Variants in RAI14 observed in about 807,000 individuals in gnomAD.
RAI14 encodes ankycorbin.
A neutral mutation model predicts 115.4 loss-of-function variants in RAI14; 45 were observed. That is an observed-to-expected ratio of 0.39 (90% CI 0.31 to 0.50). The LOEUF (loss-of-function observed/expected upper bound fraction) is 0.50. Among genes scored for constraint, RAI14 ranks in the 20% least tolerant of loss-of-function variants. RAI14 has a pLI of 0.85. For synonymous variants in RAI14, 371 were observed against 415.4 expected (o/e 0.89, Z 1.30); for missense variants, 939 against 1,131.2 (o/e 0.83, Z 2.44).
At chr5:34,750,934 C>T (rs1394483857) in intron 2 of RAI14, among the ~76,000 whole-genome samples, 1 of 146,224 alleles carries the variant, frequency 6.8e-6, no homozygotes, top group African/African-American at 2.5e-5. Flanking sequence ...CTCACCACAA[C>T]CTTTGCCTCC....
intron 1 of RAI14, among the ~76,000 whole-genome samples, chr5:34,676,662 A>G (rs1445791898): frequency 2.0e-5 from 3 of 152,178 alleles, no homozygotes; most frequent in Admixed American, 2.0e-4. Context: ...ATAGACTAAG[A>G]TCAATCCTGG....
intron 2 of RAI14, among the ~76,000 whole-genome samples, chr5:34,751,691 G>T (rs911903829): frequency 6.6e-6 from 1 of 152,110 alleles, no homozygotes; most frequent in Non-Finnish European, 1.5e-5. Flanking sequence ...TGGAAATTTG[G>T]GTTATTTGTA....
At chr5:34,739,791 G>A (rs2150043671) in intron 2 of RAI14, among the ~76,000 whole-genome samples, 1 of 152,318 alleles carries the variant, frequency 6.6e-6, no homozygotes, top group East Asian at 1.9e-4. Flanking sequence ...GCCAGGTGTG[G>A]TGGCTCATGC....
intron 3 of RAI14, among the ~76,000 whole-genome samples, chr5:34,771,897 G>GT (rs1324027834): frequency 6.6e-6 from 1 of 151,702 alleles, no homozygotes; most frequent in Non-Finnish European, 1.5e-5. Context: ...GGGTGTCACT[G>GT]TTTTTTGTTT....
intron 3 of RAI14, among the ~76,000 whole-genome samples, chr5:34,770,977 C>G (rs532222956): frequency 5.9e-5 from 9 of 152,052 alleles, no homozygotes; most frequent in Non-Finnish European, 1.3e-4. Flanking sequence ...AACTGAGATG[C>G]TGAGGCTCTC....
chr5:34,733,478 C>T (rs1580069252), intron 2 of RAI14, among the ~76,000 whole-genome samples: 4 of 152,154 alleles, frequency 2.6e-5, no homozygotes, highest in African/African-American at 9.7e-5. Flanking sequence ...TCAACCATGC[C>T]AGGTAGAACC....
chr5:34,802,856 ACT>A (rs1754437338), intron 4 of RAI14, among the ~76,000 whole-genome samples: 1 of 152,086 alleles, frequency 6.6e-6, no homozygotes, highest in African/African-American at 2.4e-5. Context: ...GAATTTTACA[ACT>A]CTCTCCCTTC....
chr5:34,702,854 G>A (rs896340364), intron 2 of RAI14, among the ~76,000 whole-genome samples: 3 of 152,130 alleles, frequency 2.0e-5, no homozygotes, highest in East Asian at 1.9e-4. Context: ...TTACAGGCAT[G>A]CGCCACCATG....
At chr5:34,774,639 C>T (rs1206147240) in intron 3 of RAI14, among the ~76,000 whole-genome samples, 1 of 151,924 alleles carries the variant, frequency 6.6e-6, no homozygotes, top group Non-Finnish European at 1.5e-5. Flanking sequence ...TGGAAACATT[C>T]TTTAACAATA....
intron 2 of RAI14, among the ~76,000 whole-genome samples, chr5:34,734,802 A>C (rs1174340240): frequency 6.6e-6 from 1 of 152,054 alleles, no homozygotes; most frequent in African/African-American, 2.4e-5. Flanking sequence ...CTGGGATTAC[A>C]GGCACATACC....
At chr5:34,687,553 A>G (rs1738001702) in intron 2 of RAI14, 2 of 1,428,234 alleles carry the variant, frequency 1.4e-6, no homozygotes, top group Non-Finnish European at 1.8e-6. Flanking sequence ...CTCCCCCAGG[A>G]GAAGAGGGAG....
In RAI14 at chr5:34,807,801, C is replaced by A. The variant is rs772533486; in HGVS notation, c.323C>A (p.Ser108Tyr). The change falls in exon 6 of 18, where the codon TCT becomes TAT. Residue 108 changes from serine (S) to tyrosine (Y), a missense_variant and splice_region_variant. Transcript: ENST00000265109. ...GATGTATTTATTTTTGTCTTATAGT[C>A]TAAATGCCCAGCCGAAAGTGTCGAC... ...HHECIRKLLQ[S>Y]KCPAESVDSS... 6.2e-7 allele frequency: 1 copy of A among 1,607,472 alleles called. No individual in the cohort carries two copies. The highest frequency in any genetic ancestry group is 1.7e-5 in the Admixed American group (1 of 60,008).
intron 1 of RAI14, among the ~76,000 whole-genome samples, chr5:34,679,266 C>T (rs759099220): frequency 6.6e-6 from 1 of 152,224 alleles, no homozygotes; most frequent in Non-Finnish European, 1.5e-5. Context: ...AAATTTGCAC[C>T]ATGGGCTAAA....
chr5:34,758,020 T>A (rs1401863650), intron 3 of RAI14, among the ~76,000 whole-genome samples: 1 of 152,260 alleles, frequency 6.6e-6, no homozygotes, highest in African/African-American at 2.4e-5. Flanking sequence ...TGCTTTATGG[T>A]TTGCTGTATG....
intron 2 of RAI14, among the ~76,000 whole-genome samples, chr5:34,742,507 G>A (rs895138421): frequency 7.9e-5 from 12 of 152,046 alleles, no homozygotes; most frequent in African/African-American, 1.4e-4. Flanking sequence ...GAAACATTGC[G>A]GTAAACAATT....
chr5:34,759,879 A>G (rs1748394086), intron 3 of RAI14, among the ~76,000 whole-genome samples: 1 of 152,186 alleles, frequency 6.6e-6, no homozygotes, highest in South Asian at 2.1e-4. Context: ...TAGGTGCTCT[A>G]TATAAAGAGT....
intron 1 of RAI14, among the ~76,000 whole-genome samples, chr5:34,663,229 CT>C: frequency 6.6e-6 from 1 of 152,192 alleles, no homozygotes; most frequent in Non-Finnish European, 1.5e-5. Context: ...TAAAAAGTAA[CT>C]TTTGGCCAGG....
intron 3 of RAI14, among the ~76,000 whole-genome samples, chr5:34,767,879 C>T (rs113449924): frequency 2.6e-5 from 4 of 151,456 alleles, no homozygotes; most frequent in Admixed American, 6.6e-5. Context: ...GTCCCAACAC[C>T]GGGCTAGGTT....
At chr5:34,720,360 C>T (rs866347448) in intron 2 of RAI14, among the ~76,000 whole-genome samples, 6 of 148,742 alleles carry the variant, frequency 4.0e-5, no homozygotes, top group African/African-American at 5.0e-5. Flanking sequence ...AATGTTCAAT[C>T]GCTTCCAGAC....
Sources: allele counts gnomAD v4.1 joint callset (sites outside exome capture counted in the v4.1 genomes callset), GRCh38; gene constraint gnomAD v4.1.1; transcripts MANE v1.5; gene names NCBI Gene and HGNC (gene_info 2026-07-23, HGNC 2026-07-21).